KCNH4: variants seen among roughly 807,000 people sequenced by gnomAD.
KCNH4 encodes the protein potassium voltage-gated channel subfamily H member 4.
In KCNH4, 33 loss-of-function variants were observed where a neutral mutation model predicts 90.7. That is an observed-to-expected ratio of 0.36 (90% confidence interval 0.28 to 0.49). The LOEUF is 0.49. KCNH4 is among the 20% of genes least tolerant of loss of function. The probability of loss-of-function intolerance (pLI) is 0.98; values close to 1 mark genes in which losing one functional copy is unlikely to be tolerated. For synonymous variants in KCNH4, 551 were observed against 581.7 expected (o/e 0.95, Z 0.76); for missense variants, 1,044 against 1,387.1 (o/e 0.75, Z 3.93).
In KCNH4 at chr17:42,180,222, A is replaced by C. The variant is rs1223110710; in HGVS notation, c.76+648T>G. Among the ~76,000 whole-genome samples, 1 of 152,072 alleles carries C rather than the reference A, an allele frequency of 6.6e-6. No homozygotes were observed. The highest frequency in any genetic ancestry group is 6.6e-5 in the Admixed American group (1 of 15,264). On this transcript the variant is annotated intron_variant, in intron 1 of 16. Transcript: ENST00000264661. The surrounding 1 kb of genome is among the most constrained non-coding windows in gnomAD (Gnocchi z 4.7). ...GGGGTTGGGGGAGGTGAGGGCGGGG[A>C]ATCTCTGGGTTCCAGAGTGGGAAGA...
chr17:42,170,324 G>T, intron 7 of KCNH4, 23 bp from the exon 8 acceptor site: 1 of 1,557,652 alleles, frequency 6.4e-7, no homozygotes. Context: ...CGGATGCAGG[G>T]AGCCCTGGCT....
In KCNH4 at chr17:42,163,656, C is replaced by T; in HGVS notation, c.2427G>A (p.Gln809=). The change falls in exon 13 of 17, where the codon CAG becomes CAA. Residue 809 remains glutamine, a synonymous_variant. Coordinates refer to ENST00000264661, the MANE Select transcript of KCNH4 (RefSeq NM_012285.3). The surrounding 1 kb of genome is among the most constrained non-coding windows in gnomAD (Gnocchi z 5.4). ...AGGTTCCCAGTGGGGGAATGAGAAG[C>T]TGAGGGGGCTTCCAGGCAGCAGAGC... The part of the protein sequence containing the change: ...PRCSAAWKPP[Q]LLIPPLGTFG... The T allele has an allele frequency of 6.6e-7, 1 of 1,505,800 alleles. No homozygotes were observed. The highest frequency in any genetic ancestry group is 8.9e-7 in the Non-Finnish European group (1 of 1,127,128). 93.3% of individuals were successfully genotyped at this position (1,505,800 alleles called of 1,614,324 possible).
Position 42,160,188 on chromosome 17 carries a change from G to A in KCNH4, c.2906C>T (p.Thr969Ile), listed in dbSNP as rs1302241894. Residue 969 changes from threonine (T) to isoleucine (I), a missense_variant, in exon 16 of 17, where the codon ACT becomes ATT. This residue lies in a region of KCNH4 where 441 missense variants were observed against 512.3 expected (regional missense o/e 0.86). Transcript: ENST00000264661. ...GGAAGGTCTCAAGTCCAGGAGCGCA[G>A]TCCCTGTCTCCATGGTCCCCACACT... ...PASVGTMETGTALLDLRPSIL... is the reference protein window; with the variant it reads ...PASVGTMETGIALLDLRPSIL... 1 of 1,613,904 alleles carries A rather than the reference G, an allele frequency of 6.2e-7. No individual in the cohort carries two copies. The highest frequency in any genetic ancestry group is 8.5e-7 in the Non-Finnish European group (1 of 1,179,818).
In KCNH4 at chr17:42,169,014, G is replaced by A. The variant is rs557854459; in HGVS notation, c.1590+463C>T. Among the ~76,000 whole-genome samples the A allele has an allele frequency of 5.4e-3, 819 of 152,106 alleles. 2 individuals are homozygous for A. Among genetic ancestry groups the A allele is most frequent in the Middle Eastern group, 0.01 (3 of 294 alleles). Reference sequence around the variant, plus strand: ...TCTCGATCTCCTGACCTTGTGATCCGCCCACCTCGGCCTCCCAAAGTGCTG... The same window carrying A: ...TCTCGATCTCCTGACCTTGTGATCCACCCACCTCGGCCTCCCAAAGTGCTG... On this transcript the variant is annotated intron_variant, in intron 9 of 16. Transcript: ENST00000264661.
chr17:42,166,645 C>T lies in KCNH4; in HGVS notation c.1591-99G>A. ...TCTTCAAAGAGAGAATTCCTCTTGC[C>T]CTTGCTTTGAAGTCACCCATTCCAG... On this transcript the variant is annotated intron_variant, in intron 9 of 16. Transcript: ENST00000264661. 4.1e-6 allele frequency: 6 copies of T among 1,461,546 alleles called. No homozygotes were observed. In the South Asian group the frequency reaches 6.8e-5, roughly 17 times the overall value. The allele number at this position is 1,461,546 out of a possible 1,614,324, so 90.5% of individuals were successfully genotyped here. A position where few individuals can be genotyped will look rare whatever the true frequency, so the allele number is the denominator to read the frequency against.
At position 42,180,783 on chromosome 17, in the gene KCNH4, TCTC is replaced by T. The variant is rs2079896059; in HGVS notation, c.76+84_76+86del. On this transcript the variant is annotated intron_variant, in intron 1 of 16. Transcript: ENST00000264661. This position sits in a 1 kb window ranked among gnomAD's most constrained non-coding sequence, Gnocchi z 4.7. ...CTCCATTCTCTCCCCTCGCCTCGGG[TCTC>T]ACCATGTCCAGGAGATCCGAGACGG... 2.3e-6 allele frequency: 3 copies of T among 1,333,210 alleles called. No homozygotes were observed. The highest frequency in any genetic ancestry group is 3.4e-5 in the Admixed American group (2 of 58,270). The allele number at this position is 1,333,210 out of a possible 1,614,324, so 82.6% of individuals were successfully genotyped here.
At chr17:42,171,249 G>A (rs192861357) in intron 7 of KCNH4, among the ~76,000 whole-genome samples, 240 of 152,184 alleles carry the variant, frequency 1.6e-3, no homozygotes, top group African/African-American at 5.1e-3. Context: ...CTGGGAAGGG[G>A]CAGAGAGGAT....
intron 9 of KCNH4, among the ~76,000 whole-genome samples, chr17:42,168,421 G>A (rs73313613): frequency 0.014 from 2,057 of 152,290 alleles, 33 homozygotes; most frequent in African/African-American, 0.047. Context: ...TGAAGCAGGT[G>A]TATTACGATG....
At chr17:42,171,227 A>G (rs1334836676) in intron 7 of KCNH4, among the ~76,000 whole-genome samples, 2 of 151,874 alleles carry the variant, frequency 1.3e-5, no homozygotes, top group Non-Finnish European at 2.9e-5. Flanking sequence ...TGAGAAAGGG[A>G]GGTGGAGTGG....
intron 9 of KCNH4, among the ~76,000 whole-genome samples, chr17:42,168,772 A>ATTTTTTTTTTTTTT (rs1568034449): frequency 3.3e-5 from 5 of 150,546 alleles, no homozygotes; most frequent in African/African-American, 1.2e-4. Flanking sequence ...TTTTATTTTT[A>ATTTTTTTTTTTTTT]TTTTTATTTT....
intron 2 of KCNH4, 24 bp from the exon 3 acceptor site, chr17:42,178,501 G>C: frequency 6.2e-7 from 1 of 1,613,366 alleles, no homozygotes; most frequent in Non-Finnish European, 8.5e-7. Context: ...GAGAGGGAAG[G>C]GAGGAGCATG....
At chr17:42,169,922 C>G (rs1242645647) in intron 8 of KCNH4, among the ~76,000 whole-genome samples, 185 bp downstream of exon 8, 2 of 152,228 alleles carry the variant, frequency 1.3e-5, no homozygotes, top group African/African-American at 4.8e-5. Context: ...AAAGTCCACG[C>G]CTGTTTGTGG....
intron 10 of KCNH4, among the ~76,000 whole-genome samples, 164 bp downstream of exon 10, chr17:42,166,133 C>T (rs555950742): frequency 1.3e-5 from 2 of 151,998 alleles, no homozygotes; most frequent in East Asian, 1.9e-4. Flanking sequence ...TGTCTAAAGG[C>T]GATGGTCGTA....
Position 42,160,013 on chromosome 17 carries a change from C to T in KCNH4, c.*27G>A, listed in dbSNP as rs752937340. The T allele has an allele frequency of 3.0e-5, 45 of 1,483,154 alleles. No individual in the cohort carries two copies. Among genetic ancestry groups the T allele is most frequent in the Non-Finnish European group, 3.8e-5 (42 of 1,115,420 alleles). 91.9% of individuals were successfully genotyped at this position (1,483,154 alleles called of 1,614,324 possible). A position where few individuals can be genotyped will look rare whatever the true frequency, so the allele number is the denominator to read the frequency against. On this transcript the variant is annotated 3_prime_UTR_variant, in exon 16 of 17. Coordinates refer to ENST00000264661, the MANE Select transcript of KCNH4 (RefSeq NM_012285.3). ...GAGTGGTGAGCGGCAGCGCCCACCC[C>T]AGACAGGCCTGGGCCCTGGGCCAGG...
Position 42,162,287 on chromosome 17 carries a change from A to G in KCNH4, c.2619T>C (p.Ala873=). 1.2e-6 allele frequency: 2 copies of G among 1,613,892 alleles called. No individual in the cohort carries two copies. Among genetic ancestry groups the G allele is most frequent in the Non-Finnish European group, 1.7e-6 (2 of 1,179,940 alleles). Residue 873 remains alanine (A), a synonymous_variant, in exon 15 of 17, where the codon GCT becomes GCC. Coordinates refer to ENST00000264661, the MANE Select transcript of KCNH4 (RefSeq NM_012285.3). ...GGCAAACCTTTTCCTTCACCTCCTC[A>G]GCCTCACTGGCCAATTCTGGGCTGG... ...TRPSPELASE[A]EEVKEKVCRL... is the part of the protein sequence containing the mutation.
intron 9 of KCNH4, among the ~76,000 whole-genome samples, chr17:42,168,140 A>C (rs1238292045): frequency 1.3e-5 from 2 of 152,064 alleles, no homozygotes; most frequent in Non-Finnish European, 2.9e-5. Flanking sequence ...CCTCCTTTAC[A>C]GCCCCATTCA....
rs569981016 is a variant in KCNH4, at chr17:42,168,419, G to A, written c.1590+1058C>T. Among the ~76,000 whole-genome samples the A allele has an allele frequency of 9.8e-5, 15 of 152,324 alleles. No individual in the cohort carries two copies. In the South Asian group the frequency reaches 2.9e-3, roughly 29 times the overall value. ...CCAGCAAATTGGGAGGCTGAAGCAGGTGTATTACGATGTCAAGAGTTCGAG... is the reference window on the plus strand; with the variant it reads ...CCAGCAAATTGGGAGGCTGAAGCAGATGTATTACGATGTCAAGAGTTCGAG... On this transcript the variant is annotated intron_variant, in intron 9 of 16. Coordinates refer to ENST00000264661, the MANE Select transcript of KCNH4 (RefSeq NM_012285.3).
In KCNH4 at chr17:42,172,010, CG is replaced by C; in HGVS notation, c.988-16del. 6.4e-7 allele frequency: 1 copy of C among 1,569,654 alleles called. No homozygotes were observed. ...ACCAGCGAGGTCTGCAGGAAGGTGG[CG>C]GGGGAGGCTGTCAGCAGGCACACCT... On this transcript the variant is annotated splice_polypyrimidine_tract_variant and intron_variant, in intron 6 of 16. Coordinates refer to ENST00000264661, the MANE Select transcript of KCNH4 (RefSeq NM_012285.3).
rs895433652 is a variant in KCNH4, at chr17:42,178,037, C to A, written c.585+63G>T. On this transcript the variant is annotated intron_variant, in intron 4 of 16. Coordinates refer to ENST00000264661, the MANE Select transcript of KCNH4 (RefSeq NM_012285.3). ...AGACAGGGAAGTGGGGAGACAGTGG[C>A]AGGGGTGCCTCAGAATCAAGGCTGG... The A allele has an allele frequency of 3.2e-6, 5 of 1,573,500 alleles. No individual in the cohort carries two copies. In the African/African-American group the frequency reaches 5.4e-5, roughly 17 times the overall value.
Sources: allele counts gnomAD v4.1 joint callset (sites outside exome capture counted in the v4.1 genomes callset), GRCh38; gene constraint gnomAD v4.1.1; regional missense constraint gnomAD v4.1.1; non-coding constraint Gnocchi (gnomAD v3.1); transcripts MANE v1.5; gene names NCBI Gene and HGNC (gene_info 2026-07-23, HGNC 2026-07-21).